The following RBFOX1 variants were observed in gnomAD, a reference collection of about 807,000 sequenced individuals.
The protein encoded by RBFOX1 is RNA binding fox-1 homolog 1.
A neutral mutation model predicts 57.7 loss-of-function variants in RBFOX1; 8 were observed. The ratio of observed to expected loss-of-function variants is 0.14; its 90% CI spans 0.08 to 0.25. RBFOX1 has a LOEUF of 0.25. RBFOX1 is among the 10% of genes least tolerant of loss of function. The probability of loss-of-function intolerance (pLI) is 1.00; values close to 1 mark genes in which losing one functional copy is unlikely to be tolerated. For missense variants in RBFOX1, 611 were observed against 548.5 expected (o/e 1.11, Z -1.14); for synonymous variants, 326 against 222.4 (o/e 1.47, Z -4.15).
chr16:5,442,466 G>A (rs576094247), intron 1 of RBFOX1, among the ~76,000 whole-genome samples: 4 of 152,336 alleles, frequency 2.6e-5, no homozygotes, highest in African/African-American at 9.6e-5. Context: ...AGGGTGCTGA[G>A]TGGAGGCAGG....
intron 2 of RBFOX1, among the ~76,000 whole-genome samples, chr16:5,581,159 A>G (rs1397717714): frequency 1.3e-5 from 2 of 152,244 alleles, no homozygotes; most frequent in African/African-American, 4.8e-5. Context: ...TTGGACTCCT[A>G]TGTGCATTTT....
At position 5,474,419 on chromosome 16, in the gene RBFOX1, C is replaced by T. The variant is rs547862281; in HGVS notation, c.258+7165C>T. Among the ~76,000 whole-genome samples the T allele has an allele frequency of 2.1e-3, 320 of 152,194 alleles. 1 individual carries two copies. Among genetic ancestry groups the T allele is most frequent in the African/African-American group, 7.1e-3 (293 of 41,530 alleles). The stretch of plus-strand genomic sequence containing the variant: ...CTGTGATCCCAGCACTTTGGGAGGC[C>T]GAGGTGGGCAGATCACCTGAGGTCA... On this transcript the variant is annotated intron_variant, in intron 2 of 2. Coordinates refer to the RBFOX1 transcript ENST00000585867.
At chr16:5,476,448 A>T (rs1358467725) in intron 2 of RBFOX1, among the ~76,000 whole-genome samples, 1 of 152,106 alleles carries the variant, frequency 6.6e-6, no homozygotes, top group Non-Finnish European at 1.5e-5. Flanking sequence ...CTCCCTACTT[A>T]ATTGACATAG....
At chr16:7,190,784 C>CA (rs1344606578) in intron 4 of RBFOX1, among the ~76,000 whole-genome samples, 1 of 152,176 alleles carries the variant, frequency 6.6e-6, no homozygotes, top group Admixed American at 6.5e-5. Flanking sequence ...TGGCATTGCT[C>CA]ATATTCGCCA....
At chr16:7,648,048 C>T (rs1009713048) in intron 11 of RBFOX1, among the ~76,000 whole-genome samples, 4 of 152,102 alleles carry the variant, frequency 2.6e-5, no homozygotes, top group African/African-American at 4.8e-5. Flanking sequence ...CACCTGTAGG[C>T]AAATAATAAA....
At chr16:7,359,126 C>T (rs1286113489) in intron 4 of RBFOX1, among the ~76,000 whole-genome samples, 1 of 152,150 alleles carries the variant, frequency 6.6e-6, no homozygotes, top group African/African-American at 2.4e-5. Context: ...AACATGTTGG[C>T]TTTGGGTCCA....
intron 3 of RBFOX1, among the ~76,000 whole-genome samples, chr16:5,839,908 G>A (rs1479759114): frequency 6.6e-6 from 1 of 152,168 alleles, no homozygotes; most frequent in Non-Finnish European, 1.5e-5. Context: ...ACCCCTATGA[G>A]CAATCAAGAC....
chr16:6,347,487 G>T (rs899562303), intron 2 of RBFOX1, among the ~76,000 whole-genome samples: 5 of 152,324 alleles, frequency 3.3e-5, no homozygotes, highest in African/African-American at 1.2e-4. Context: ...GCTGTGAAAA[G>T]AATGTTCTTC....
chr16:7,672,614 G>A (rs373960293), intron 13 of RBFOX1, among the ~76,000 whole-genome samples: 15 of 151,910 alleles, frequency 9.9e-5, no homozygotes, highest in African/African-American at 2.4e-4. Context: ...TGTAATCCCC[G>A]TACTTCGGGA....
At chr16:7,495,075 T>A (rs1324454041) in intron 4 of RBFOX1, among the ~76,000 whole-genome samples, 1 of 152,154 alleles carries the variant, frequency 6.6e-6, no homozygotes, top group Admixed American at 6.5e-5. Flanking sequence ...GTGATACTCG[T>A]TTTCTGTTCC....
intron 2 of RBFOX1, among the ~76,000 whole-genome samples, chr16:6,445,627 G>C (rs1415979964): frequency 7.0e-6 from 1 of 143,724 alleles, no homozygotes; most frequent in Non-Finnish European, 1.5e-5. Flanking sequence ...TCTGTTGCCA[G>C]GATGGCATGC....
chr16:5,635,550 A>G (rs753767219), intron 3 of RBFOX1, among the ~76,000 whole-genome samples: 1 of 152,234 alleles, frequency 6.6e-6, no homozygotes, highest in Admixed American at 6.5e-5. Context: ...TATGTATCCC[A>G]TACAGATTTG....
intron 3 of RBFOX1, among the ~76,000 whole-genome samples, chr16:6,995,580 T>G (rs1453639197): frequency 6.6e-6 from 1 of 152,058 alleles, no homozygotes; most frequent in African/African-American, 2.4e-5. Flanking sequence ...GGCAACACAC[T>G]GAAACCTTGT....
intron 3 of RBFOX1, among the ~76,000 whole-genome samples, chr16:5,614,762 C>T (rs563568519): frequency 1.3e-5 from 2 of 152,154 alleles, no homozygotes; most frequent in South Asian, 4.2e-4. Flanking sequence ...ATGCGAGATG[C>T]TATGGGTGAG....
intron 3 of RBFOX1, among the ~76,000 whole-genome samples, chr16:5,634,057 A>G (rs969284471): frequency 6.6e-6 from 1 of 152,198 alleles, no homozygotes; most frequent in African/African-American, 2.4e-5. Flanking sequence ...GACTCAAATA[A>G]GCGTCATTAG....
At chr16:6,123,659 C>G (rs1034842572) in intron 1 of RBFOX1, among the ~76,000 whole-genome samples, 4 of 152,152 alleles carry the variant, frequency 2.6e-5, no homozygotes, top group Admixed American at 2.6e-4. Context: ...AATTTCAGCA[C>G]TTTGGGAGGC....
In RBFOX1 at chr16:6,901,650, A is replaced by C. The variant is rs149164388; in HGVS notation, c.-15-150407A>C. ...AATCTGTTTCTGGTAACCTTCAACA[A>C]ACTAAAACAGTTGAGCATACAGAAT... On this transcript the variant is annotated intron_variant, in intron 3 of 15. Coordinates refer to ENST00000550418, the MANE Select transcript of RBFOX1 (RefSeq NM_018723.4). Among the ~76,000 whole-genome samples the C allele has an allele frequency of 1.5e-3, 227 of 152,328 alleles. 3 individuals carry two copies. Among genetic ancestry groups the C allele is most frequent in the African/African-American group, 5.2e-3 (216 of 41,582 alleles).
In RBFOX1 at chr16:7,436,887, C is replaced by T. The variant is rs148210819; in HGVS notation, c.28-81260C>T. On this transcript the variant is annotated intron_variant, in intron 4 of 15. Coordinates refer to ENST00000550418, the MANE Select transcript of RBFOX1 (RefSeq NM_018723.4). ...GACCAGCCTGGCAAATATGGCGAAG[C>T]CCCATCACTACTAAAAATACAAAAA... 4.0e-5 allele frequency among the ~76,000 whole-genome samples: 6 copies of T among 150,600 alleles called. No homozygotes were observed. In the East Asian group the frequency reaches 9.7e-4, roughly 24 times the overall value.
chr16:6,857,632 CTG>C (rs757341559), intron 3 of RBFOX1, among the ~76,000 whole-genome samples: 1 of 152,136 alleles, frequency 6.6e-6, no homozygotes, highest in Non-Finnish European at 1.5e-5. Flanking sequence ...CAGTGTTAAA[CTG>C]TGTAAGATGC....
Sources: gnomAD v4.1 joint callset for allele counts (sites outside exome capture counted in the v4.1 genomes callset) on GRCh38, gnomAD v4.1.1 for gene constraint, MANE v1.5 for transcripts, NCBI Gene and HGNC (gene_info 2026-07-23, HGNC 2026-07-21) for gene names.